LRRC52: variants seen among roughly 807,000 people sequenced by gnomAD.
The protein encoded by LRRC52 is leucine rich repeat containing 52.
LRRC52 carries 15 observed loss-of-function variants against 14.7 expected under a neutral mutation model. The observed-to-expected ratio is 1.02, with a 90% confidence interval of 0.68 to 1.58. LRRC52 has a LOEUF of 1.58. Ranked by LOEUF, LRRC52 falls within the 40% of genes most tolerant of loss-of-function variation. LRRC52 has a pLI of 0.00. For synonymous variants in LRRC52, 180 were observed against 163.9 expected (o/e 1.10, Z -0.75); for missense variants, 400 against 387.7 (o/e 1.03, Z -0.27).
chr1:165,559,629 C>T (rs1557967213), intron 1 of LRRC52, among the ~76,000 whole-genome samples: 1 of 152,138 alleles, frequency 6.6e-6, no homozygotes, highest in African/African-American at 2.4e-5. Flanking sequence ...TAAATCCTAA[C>T]TTAATATCCA....
At position 165,544,218 on chromosome 1, in the gene LRRC52, C is replaced by CA; in HGVS notation, c.-78dup. 7.7e-7 allele frequency: 1 copy of CA among 1,297,872 alleles called. No individual in the cohort carries two copies. The highest frequency in any genetic ancestry group is 1.0e-6 in the Non-Finnish European group (1 of 955,458). The allele number at this position is 1,297,872 out of a possible 1,614,324, so 80.4% of individuals were successfully genotyped here. The stretch of plus-strand genomic sequence containing the variant: ...TCTTTCCAGAGCCCCTCCCCCGCCC[C>CA]ACCCCCCCACCGGCAGCCTTCGGAT... On this transcript the variant is annotated 5_prime_UTR_variant, in exon 1 of 2. Coordinates refer to ENST00000294818, the MANE Select transcript of LRRC52 (RefSeq NM_001005214.4).
chr1:165,557,441 G>A (rs935234824), intron 1 of LRRC52, among the ~76,000 whole-genome samples: 5 of 152,116 alleles, frequency 3.3e-5, no homozygotes, highest in East Asian at 1.9e-4. Flanking sequence ...TGAGCATTAC[G>A]TCAGGGACAG....
chr1:165,544,203 G>GCCCCGCCCCCCCCCCCCC lies in LRRC52; in HGVS notation c.-90_-89insGCCCCCCCCCCCCCCCCC. 1.0e-6 allele frequency: 1 copy of GCCCCGCCCCCCCCCCCCC among 1,001,758 alleles called. No individual in the cohort carries two copies. 62.1% of individuals were successfully genotyped at this position (1,001,758 alleles called of 1,614,324 possible). A position where few individuals can be genotyped will look rare whatever the true frequency, so the allele number is the denominator to read the frequency against. On this transcript the variant is annotated 5_prime_UTR_variant, in exon 1 of 2. Transcript: ENST00000294818. ...CTAAAGTGTTACAGTTCTTTCCAGA[G>GCCCCGCCCCCCCCCCCCC]CCCCTCCCCCGCCCCACCCCCCCAC...
chr1:165,549,012 G>A (rs1661079759), intron 1 of LRRC52, among the ~76,000 whole-genome samples: 1 of 152,210 alleles, frequency 6.6e-6, no homozygotes, highest in Admixed American at 6.5e-5. Flanking sequence ...ATGTGGGAAG[G>A]TGGGTAGCTG....
In LRRC52 at chr1:165,544,275, A is replaced by T. The variant is rs762838484; in HGVS notation, c.-22A>T. 1.4e-6 allele frequency: 2 copies of T among 1,394,702 alleles called. No homozygotes were observed. Among genetic ancestry groups the T allele is most frequent in the Non-Finnish European group, 9.6e-7 (1 of 1,045,736 alleles). 86.4% of individuals were successfully genotyped at this position (1,394,702 alleles called of 1,614,324 possible). A position where few individuals can be genotyped will look rare whatever the true frequency, so the allele number is the denominator to read the frequency against. ...ACAGAGCCCGCAGGAAGGTGAAAGG[A>T]GGGTGGTTGTGGCTTCTTACTATGT... On this transcript the variant is annotated 5_prime_UTR_variant, in exon 1 of 2. Transcript: ENST00000294818.
intron 1 of LRRC52, among the ~76,000 whole-genome samples, chr1:165,545,656 C>T (rs1406193628): frequency 6.6e-6 from 1 of 152,036 alleles, no homozygotes; most frequent in Non-Finnish European, 1.5e-5. Flanking sequence ...GATTTCCAAG[C>T]TCCTTGCCAC....
At chr1:165,563,036 G>A (rs1661381671) in intron 1 of LRRC52, among the ~76,000 whole-genome samples, 2 of 152,130 alleles carry the variant, frequency 1.3e-5, no homozygotes, top group Admixed American at 1.3e-4. Context: ...TAAAGAGAAA[G>A]GGACAAGGTG....
chr1:165,546,124 T>A (rs1196299750), intron 1 of LRRC52, among the ~76,000 whole-genome samples: 2 of 152,110 alleles, frequency 1.3e-5, no homozygotes, highest in East Asian at 3.9e-4. Context: ...GGCTTCCCAA[T>A]GGGTGTGTCT....
Position 165,544,226 on chromosome 1 carries a change from C to CCCCCCCCCCCCA in LRRC52, c.-71_-70insCCCCCCCCCCCA. On this transcript the variant is annotated 5_prime_UTR_variant, in exon 1 of 2. Coordinates refer to ENST00000294818, the MANE Select transcript of LRRC52 (RefSeq NM_001005214.4). ...GAGCCCCTCCCCCGCCCCACCCCCCCACCGGCAGCCTTCGGATCAGAGGAC... is the reference window on the plus strand; with the variant it reads ...GAGCCCCTCCCCCGCCCCACCCCCCCCCCCCCCCCCCAACCGGCAGCCTTCGGATCAGAGGAC... 29 of 560,332 alleles carry CCCCCCCCCCCCA rather than the reference C, an allele frequency of 5.2e-5. No homozygotes were observed. The highest frequency in any genetic ancestry group is 7.7e-5 in the African/African-American group (4 of 52,228). The allele number at this position is 560,332 out of a possible 1,614,324, so 34.7% of individuals were successfully genotyped here.
In LRRC52 at chr1:165,563,595, CG is replaced by C. The variant is rs1382824165; in HGVS notation, c.714del (p.His239ThrfsTer111). 1.2e-6 allele frequency: 2 copies of C among 1,614,130 alleles called. No individual in the cohort carries two copies. Among genetic ancestry groups the C allele is most frequent in the Non-Finnish European group, 1.7e-6 (2 of 1,180,056 alleles). On this transcript the variant is annotated frameshift_variant, in exon 2 of 2. Coordinates refer to ENST00000294818, the MANE Select transcript of LRRC52 (RefSeq NM_001005214.4). LOFTEE classifies it low-confidence loss of function (END_TRUNC). ...VGNPLRYMCI[T>X]HLDHKDYIFL... is the part of the protein sequence containing the mutation. ...AACCCACTCCGATACATGTGCATCA[CG>C]CACCTGGACCACAAAGACTACATCT...
In LRRC52 at chr1:165,544,226, C is replaced by CCCCCCCCCCCCAG; in HGVS notation, c.-71_-70insCCCCCCCCCCCAG. On this transcript the variant is annotated 5_prime_UTR_variant, in exon 1 of 2. Transcript: ENST00000294818. ...GAGCCCCTCCCCCGCCCCACCCCCC[C>CCCCCCCCCCCCAG]ACCGGCAGCCTTCGGATCAGAGGAC... The CCCCCCCCCCCCAG allele has an allele frequency of 1.8e-6, 1 of 560,354 alleles. No individual in the cohort carries two copies. Among genetic ancestry groups the CCCCCCCCCCCCAG allele is most frequent in the Non-Finnish European group, 3.1e-6 (1 of 326,450 alleles). 34.7% of individuals were successfully genotyped at this position (560,354 alleles called of 1,614,324 possible).
At chr1:165,546,986 C>T (rs1661032366) in intron 1 of LRRC52, among the ~76,000 whole-genome samples, 1 of 152,148 alleles carries the variant, frequency 6.6e-6, no homozygotes, top group South Asian at 2.1e-4. Flanking sequence ...TGGGACCCCA[C>T]ACACGTACCC....
At chr1:165,548,786 G>T (rs1661073918) in intron 1 of LRRC52, among the ~76,000 whole-genome samples, 1 of 152,168 alleles carries the variant, frequency 6.6e-6, no homozygotes, top group Non-Finnish European at 1.5e-5. Flanking sequence ...AGTACCATTA[G>T]CATTTAAGTT....
At chr1:165,560,860 T>G (rs1661325587) in intron 1 of LRRC52, among the ~76,000 whole-genome samples, 1 of 152,066 alleles carries the variant, frequency 6.6e-6, no homozygotes, top group Non-Finnish European at 1.5e-5. Context: ...GAAGGGTAGC[T>G]GCTGAGGGGC....
At chr1:165,558,490 C>T (rs1300310212) in intron 1 of LRRC52, among the ~76,000 whole-genome samples, 1 of 151,976 alleles carries the variant, frequency 6.6e-6, no homozygotes. Flanking sequence ...TTAAAACTAC[C>T]CTGTGGGGTG....
intron 1 of LRRC52, among the ~76,000 whole-genome samples, chr1:165,553,905 C>T (rs1661184378): frequency 6.6e-6 from 1 of 152,146 alleles, no homozygotes; most frequent in Non-Finnish European, 1.5e-5. Context: ...TTCTATGAAG[C>T]TTCCATAACA....
chr1:165,561,511 T>G (rs1445353887), intron 1 of LRRC52, among the ~76,000 whole-genome samples: 1 of 152,212 alleles, frequency 6.6e-6, no homozygotes, highest in Non-Finnish European at 1.5e-5. Context: ...ACAGAGGTCC[T>G]CAAGCCAGGC....
At chr1:165,561,667 C>T (rs1661346548) in intron 1 of LRRC52, among the ~76,000 whole-genome samples, 1 of 152,264 alleles carries the variant, frequency 6.6e-6, no homozygotes, top group Non-Finnish European at 1.5e-5. Context: ...TTCTTCCTCT[C>T]CCTTCCTCTG....
chr1:165,563,679 C>T lies in LRRC52; in HGVS notation c.797C>T (p.Thr266Ile), dbSNP rs752231121. 2 of 1,614,176 alleles carry T rather than the reference C, an allele frequency of 1.2e-6. No individual in the cohort carries two copies. The highest frequency in any genetic ancestry group is 3.3e-5 in the Admixed American group (2 of 60,028). ...GCGGGAACTGTGGCTGCCTGGCTCA[C>T]AGGTGTGTGTGCTGTGCTCTACCAG... ...FAAGTVAAWLTGVCAVLYQNT... is the reference protein window; with the variant it reads ...FAAGTVAAWLIGVCAVLYQNT... The change falls in exon 2 of 2, where the codon ACA becomes ATA. Residue 266 changes from threonine (T) to isoleucine (I), a missense_variant. Thr to Ile is a moderately conservative substitution (Grantham distance 89). Transcript: ENST00000294818.
Sources: gnomAD v4.1 joint callset for allele counts (sites outside exome capture counted in the v4.1 genomes callset) on GRCh38, gnomAD v4.1.1 for gene constraint, MANE v1.5 for transcripts, NCBI Gene and HGNC (gene_info 2026-07-23, HGNC 2026-07-21) for gene names.